The following LINGO2 variants were observed in gnomAD, a reference collection of about 807,000 sequenced individuals.
LINGO2 encodes leucine-rich repeat and immunoglobulin-like domain-containing nogo receptor-interacting protein 2.
In LINGO2, 14 loss-of-function variants were observed where a neutral mutation model predicts 30.6. That is an observed-to-expected ratio of 0.46 (90% CI 0.30 to 0.72). The LOEUF (loss-of-function observed/expected upper bound fraction) is 0.72. LINGO2 is among the 30% of genes least tolerant of loss of function. The pLI is 0.07. For synonymous variants in LINGO2, 317 were observed against 288.5 expected (o/e 1.10, Z -1.00); for missense variants, 729 against 751.7 (o/e 0.97, Z 0.35).
the LINGO2 span, among the ~76,000 whole-genome samples, chr9:29,126,764 C>A: frequency 6.6e-6 from 1 of 152,054 alleles, no homozygotes; most frequent in African/African-American, 2.4e-5. Context: ...TAAGATTTTG[C>A]ACTTCCTTCT....
chr9:28,776,260 C>T, the LINGO2 span, among the ~76,000 whole-genome samples: 1 of 149,542 alleles, frequency 6.7e-6, no homozygotes, highest in Non-Finnish European at 1.5e-5. Context: ...CAAAAGGAGG[C>T]TATCACAATT....
chr9:28,474,802 G>A (rs1825664171), intron 2 of LINGO2, among the ~76,000 whole-genome samples: 1 of 152,114 alleles, frequency 6.6e-6, no homozygotes, highest in African/African-American at 2.4e-5. Context: ...GGTCAGGCTG[G>A]TGTCAATTTG....
rs530833011 is a variant in LINGO2, at chr9:28,089,200, C to T, written c.-86-76795G>A. 5.2e-4 allele frequency among the ~76,000 whole-genome samples: 79 copies of T among 152,292 alleles called. No individual in the cohort carries two copies. The Middle Eastern group carries it at 0.014, about 26-fold the overall frequency. ...GGATATCCAGGAATTGAACTCAGCT[C>T]TGCATCAAGTGGACCTAATAGACAT... On this transcript the variant is annotated intron_variant, in intron 4 of 5. Transcript: ENST00000379992.
intron 4 of LINGO2, among the ~76,000 whole-genome samples, chr9:28,244,043 G>A (rs1821908098): frequency 6.6e-6 from 1 of 151,900 alleles, no homozygotes; most frequent in African/African-American, 2.4e-5. Context: ...GAGCCACATG[G>A]GACTTATGCT....
At chr9:28,104,839 T>C (rs185679051) in intron 4 of LINGO2, among the ~76,000 whole-genome samples, 41 of 152,254 alleles carry the variant, frequency 2.7e-4, no homozygotes, top group Admixed American at 2.0e-3. Context: ...ATTTTAGAAA[T>C]ATTTATAATG....
At chr9:28,023,159 A>C (rs1823217858) in intron 4 of LINGO2, among the ~76,000 whole-genome samples, 1 of 152,182 alleles carries the variant, frequency 6.6e-6, no homozygotes, top group Admixed American at 6.5e-5. Flanking sequence ...TCACAGAATC[A>C]GTCTGATTCT....
At chr9:28,916,820 T>A in the LINGO2 span, among the ~76,000 whole-genome samples, 1 of 152,326 alleles carries the variant, frequency 6.6e-6, no homozygotes, top group African/African-American at 2.4e-5. Context: ...GGTTTACAGG[T>A]TCCATTTTAA....
In LINGO2 at chr9:28,525,883, G is replaced by A. The variant is rs559984067; in HGVS notation, c.-364-49858C>T. On this transcript the variant is annotated intron_variant, in intron 1 of 5. Coordinates refer to ENST00000379992, the Ensembl canonical transcript of LINGO2. ...ATCCTGGCTAACGCGGTGAAACCCC[G>A]TCTCTACTAAGAATACAAAAAAATT... Among the ~76,000 whole-genome samples the A allele has an allele frequency of 9.9e-5, 15 of 151,856 alleles. No homozygotes were observed. In the South Asian group the frequency reaches 1.7e-3, roughly 17 times the overall value.
At chr9:28,502,680 CAT>C (rs1819938785) in intron 1 of LINGO2, among the ~76,000 whole-genome samples, 1 of 152,030 alleles carries the variant, frequency 6.6e-6, no homozygotes, top group Non-Finnish European at 1.5e-5. Context: ...GGATTGATAA[CAT>C]AAATTTTAAA....
At chr9:28,826,490 G>A in the LINGO2 span, among the ~76,000 whole-genome samples, 29 of 152,052 alleles carry the variant, frequency 1.9e-4, no homozygotes, top group African/African-American at 6.0e-4. Flanking sequence ...GAAGAGATAT[G>A]CAAAAAGAGC....
chr9:28,355,872 C>T (rs1820190199), intron 3 of LINGO2, among the ~76,000 whole-genome samples: 1 of 152,174 alleles, frequency 6.6e-6, no homozygotes, highest in Non-Finnish European at 1.5e-5. Flanking sequence ...GCGTGAGTAT[C>T]ATCATGCTAC....
chr9:29,073,803 G>C, the LINGO2 span, among the ~76,000 whole-genome samples: 24 of 152,144 alleles, frequency 1.6e-4, no homozygotes, highest in Non-Finnish European at 3.2e-4. Flanking sequence ...AAATCAATTA[G>C]TCTGAGTTAC....
At chr9:28,770,406 T>A in the LINGO2 span, among the ~76,000 whole-genome samples, 1 of 152,188 alleles carries the variant, frequency 6.6e-6, no homozygotes, top group Non-Finnish European at 1.5e-5. Context: ...TGAAACCGCA[T>A]AGGTCTTGTG....
Position 28,433,966 on chromosome 9 carries a change from T to TATATATATATATATATATATATATATAC in LINGO2, c.-279+41973_-279+41974insGTATATATATATATATATATATATATAT, listed in dbSNP as rs752778212. Reference sequence around the variant, plus strand: ...CTCTCTCTCTATATATATATATATATACACACACACACATGAAAATACTAC... The same window carrying TATATATATATATATATATATATATATAC: ...CTCTCTCTCTATATATATATATATATATATATATATATATATATATATATATACACACACACACACATGAAAATACTAC... On this transcript the variant is annotated intron_variant, in intron 2 of 5. Transcript: ENST00000379992. Among the ~76,000 whole-genome samples, 69 of 99,808 alleles carry TATATATATATATATATATATATATATAC rather than the reference T, an allele frequency of 6.9e-4. 2 individuals are homozygous for TATATATATATATATATATATATATATAC. Among genetic ancestry groups the TATATATATATATATATATATATATATAC allele is most frequent in the South Asian group, 2.0e-3 (6 of 2,950 alleles). The allele number at this position is 99,808 out of a possible 152,430, so 65.5% of individuals were successfully genotyped here.
the LINGO2 span, among the ~76,000 whole-genome samples, chr9:29,090,606 A>C: frequency 6.6e-6 from 1 of 152,084 alleles, no homozygotes; most frequent in Non-Finnish European, 1.5e-5. Context: ...GATCTTAAAA[A>C]GTATCATAAA....
At chr9:28,754,568 G>A in the LINGO2 span, among the ~76,000 whole-genome samples, 1 of 151,784 alleles carries the variant, frequency 6.6e-6, no homozygotes, top group Admixed American at 6.5e-5. Context: ...TGCAAAGTTT[G>A]GAAAACAACA....
At chr9:29,194,310 G>A in the LINGO2 span, among the ~76,000 whole-genome samples, 1 of 152,094 alleles carries the variant, frequency 6.6e-6, no homozygotes, top group Non-Finnish European at 1.5e-5. Flanking sequence ...TGCTGTTCAG[G>A]AGGCCACAGG....
the LINGO2 span, among the ~76,000 whole-genome samples, chr9:28,788,277 T>G: frequency 6.6e-6 from 1 of 152,324 alleles, no homozygotes. Context: ...ATGACTACAC[T>G]ACAGTGAACT....
the LINGO2 span, among the ~76,000 whole-genome samples, chr9:28,707,351 G>A: frequency 3.0e-4 from 45 of 152,162 alleles, 2 homozygotes; most frequent in Non-Finnish European, 4.4e-4. Context: ...CAGGGTAAAT[G>A]TTTCCCCATT....
Sources: gnomAD v4.1 joint callset for allele counts (sites outside exome capture counted in the v4.1 genomes callset) on GRCh38, gnomAD v4.1.1 for gene constraint, MANE v1.5 for transcripts, NCBI Gene and HGNC (gene_info 2026-07-23, HGNC 2026-07-21) for gene names.